The following KCTD16 variants were observed in gnomAD, a reference collection of about 807,000 sequenced individuals.
KCTD16 encodes the protein potassium channel tetramerization domain containing 16.
Under a neutral mutation model 33.2 loss-of-function variants are expected in KCTD16, and 13 were observed. That is an observed-to-expected ratio of 0.39 (90% CI 0.25 to 0.62). The LOEUF (loss-of-function observed/expected upper bound fraction) is 0.62, where lower values mean the gene tolerates loss of function less well. Among genes scored for constraint, KCTD16 ranks in the 20% least tolerant of loss-of-function variants. The pLI, the probability that KCTD16 is intolerant of heterozygous loss-of-function variation, is 0.50. For synonymous variants in KCTD16, 197 were observed against 195.3 expected (o/e 1.01, Z -0.07); for missense variants, 441 against 525.1 (o/e 0.84, Z 1.57).
At chr5:144,404,415 C>A (rs1237485097) in intron 3 of KCTD16, among the ~76,000 whole-genome samples, 1 of 152,096 alleles carries the variant, frequency 6.6e-6, no homozygotes, top group Non-Finnish European at 1.5e-5. Context: ...CCTTCGTATT[C>A]AATGAATATT....
intron 3 of KCTD16, among the ~76,000 whole-genome samples, chr5:144,367,027 G>A (rs1332625399): frequency 1.5e-4 from 23 of 152,126 alleles, no homozygotes; most frequent in Non-Finnish European, 8.8e-5. Flanking sequence ...CATGACCTCT[G>A]CCTCCCTAAG....
chr5:144,247,095 C>A (rs904335670), intron 3 of KCTD16, among the ~76,000 whole-genome samples: 2 of 152,142 alleles, frequency 1.3e-5, no homozygotes, highest in African/African-American at 4.8e-5. Context: ...TTATGTTTTT[C>A]AATGATGGTG....
intron 1 of KCTD16, among the ~76,000 whole-genome samples, chr5:144,172,743 T>A (rs182925939): frequency 6.6e-6 from 1 of 152,330 alleles, no homozygotes; most frequent in Admixed American, 6.5e-5. Flanking sequence ...AATATCCTAA[T>A]TCAGTTGATA....
At chr5:144,357,180 T>C (rs1046847776) in intron 3 of KCTD16, among the ~76,000 whole-genome samples, 5 of 151,968 alleles carry the variant, frequency 3.3e-5, no homozygotes, top group Admixed American at 6.6e-5. Flanking sequence ...AAGAGGTACG[T>C]CACAAGGCTG....
intron 3 of KCTD16, among the ~76,000 whole-genome samples, chr5:144,241,726 C>T (rs1396246254): frequency 1.3e-5 from 2 of 152,134 alleles, no homozygotes; most frequent in Non-Finnish European, 2.9e-5. Context: ...AATATTTGAA[C>T]ATTTGCATTA....
At chr5:144,424,453 A>G (rs1753278624) in intron 3 of KCTD16, among the ~76,000 whole-genome samples, 2 of 152,306 alleles carry the variant, frequency 1.3e-5, no homozygotes, top group East Asian at 3.9e-4. Flanking sequence ...ATGGCTTCCC[A>G]GCTGAATTAG....
chr5:144,326,562 C>T (rs1346390364), intron 3 of KCTD16, among the ~76,000 whole-genome samples: 4 of 152,068 alleles, frequency 2.6e-5, no homozygotes, highest in African/African-American at 9.6e-5. Flanking sequence ...ACAAATTGGA[C>T]CTTATAACTA....
At chr5:144,396,914 A>T (rs945183147) in intron 3 of KCTD16, among the ~76,000 whole-genome samples, 4 of 141,856 alleles carry the variant, frequency 2.8e-5, no homozygotes, top group Admixed American at 7.0e-5. Context: ...TTTATTTATT[A>T]TATATATATA....
chr5:144,290,234 G>T (rs1755858384), intron 3 of KCTD16, among the ~76,000 whole-genome samples: 1 of 152,116 alleles, frequency 6.6e-6, no homozygotes, highest in Non-Finnish European at 1.5e-5. Flanking sequence ...GGCAGAGATT[G>T]CAGTGAGCTG....
In KCTD16 at chr5:144,206,374, T is replaced by C. The variant is rs908546769; in HGVS notation, c.-326-15T>C. The C allele has an allele frequency of 4.8e-6, 1 of 210,470 alleles. No homozygotes were observed. Among genetic ancestry groups the C allele is most frequent in the Non-Finnish European group, 9.4e-6 (1 of 106,214 alleles). The allele number at this position is 210,470 out of a possible 1,614,324, so 13.0% of individuals were successfully genotyped here. A position where few individuals can be genotyped will look rare whatever the true frequency, so the allele number is the denominator to read the frequency against. On this transcript the variant is annotated splice_polypyrimidine_tract_variant and intron_variant, in intron 2 of 3. Transcript: ENST00000512467. ...TTCCAGGTTTGAGGAAATAATTTTTTCTCTTTTCCTTCAGACGGACATCTG... is the reference window on the plus strand; with the variant it reads ...TTCCAGGTTTGAGGAAATAATTTTTCCTCTTTTCCTTCAGACGGACATCTG...
chr5:144,340,879 G>T (rs1389580283), intron 3 of KCTD16, among the ~76,000 whole-genome samples: 1 of 151,852 alleles, frequency 6.6e-6, no homozygotes, highest in African/African-American at 2.4e-5. Flanking sequence ...GTGAAACCCC[G>T]TCTCTACTAA....
rs1754780405 is a variant in KCTD16 at position 144,485,215 on chromosome 5, A to G, written c.*11101A>G. The G allele has an allele frequency of 6.6e-6, 1 of 151,908 alleles. No individual in the cohort carries two copies. The highest frequency in any genetic ancestry group is 1.5e-5 in the Non-Finnish European group (1 of 67,906). 9.4% of individuals were successfully genotyped at this position (151,908 alleles called of 1,614,324 possible). The stretch of plus-strand genomic sequence containing the variant: ...AGAAAATGCTACTACTAATTGTCCC[A>G]ATGGAATTGCACATCATTTTGGCAA... On this transcript the variant is annotated 3_prime_UTR_variant, in exon 4 of 4. Coordinates refer to ENST00000512467, the MANE Select transcript of KCTD16 (RefSeq NM_020768.4).
Position 144,482,552 on chromosome 5 carries a change from C to T in KCTD16, c.*8438C>T, listed in dbSNP as rs1754724646. 1 of 151,792 alleles carries T rather than the reference C, an allele frequency of 6.6e-6. No individual in the cohort carries two copies. Among genetic ancestry groups the T allele is most frequent in the African/African-American group, 2.4e-5 (1 of 41,360 alleles). The allele number at this position is 151,792 out of a possible 1,614,324, so 9.4% of individuals were successfully genotyped here. A position where few individuals can be genotyped will look rare whatever the true frequency, so the allele number is the denominator to read the frequency against. ...CATCTTTTGGCTTGTTAAACAGTCT[C>T]AGGTTTTTATTCAAGACAGGTCAAA... is the stretch of plus-strand genomic sequence containing the variant. On this transcript the variant is annotated 3_prime_UTR_variant, in exon 4 of 4. Transcript: ENST00000512467.
intron 3 of KCTD16, among the ~76,000 whole-genome samples, chr5:144,362,815 C>G (rs953222336): frequency 6.6e-6 from 1 of 151,986 alleles, no homozygotes. Flanking sequence ...TGATAGCAGG[C>G]AAATGACTTC....
At chr5:144,352,247 G>A (rs924335963) in intron 3 of KCTD16, among the ~76,000 whole-genome samples, 8 of 152,124 alleles carry the variant, frequency 5.3e-5, no homozygotes, top group African/African-American at 1.7e-4. Context: ...AACAAACTAG[G>A]ACTGTTGATT....
intron 3 of KCTD16, among the ~76,000 whole-genome samples, chr5:144,295,854 TC>T (rs1349937167): frequency 3.3e-5 from 5 of 152,056 alleles, no homozygotes; most frequent in African/African-American, 4.8e-5. Context: ...GAGCCATAAA[TC>T]AAGAAATGTG....
At chr5:144,363,172 T>C (rs992267928) in intron 3 of KCTD16, among the ~76,000 whole-genome samples, 86 of 152,190 alleles carry the variant, frequency 5.7e-4, no homozygotes, top group Non-Finnish European at 1.1e-3. Flanking sequence ...TGAAACCCAA[T>C]CTCTACTAAA....
At chr5:144,213,943 G>A (rs1390677290) in intron 3 of KCTD16, among the ~76,000 whole-genome samples, 1 of 152,202 alleles carries the variant, frequency 6.6e-6, no homozygotes, top group African/African-American at 2.4e-5. Flanking sequence ...TTACCAAGAT[G>A]TGCAGTGGGC....
chr5:144,301,103 T>G (rs570046203), intron 3 of KCTD16, among the ~76,000 whole-genome samples: 1 of 152,076 alleles, frequency 6.6e-6, no homozygotes, highest in Admixed American at 6.5e-5. Flanking sequence ...TAGCTGGGTG[T>G]GGTGGTGAGT....
Sources: gnomAD v4.1 joint callset for allele counts (sites outside exome capture counted in the v4.1 genomes callset) on GRCh38, gnomAD v4.1.1 for gene constraint, MANE v1.5 for transcripts, NCBI Gene and HGNC (gene_info 2026-07-23, HGNC 2026-07-21) for gene names.